PVALB: variants seen among roughly 807,000 people sequenced by gnomAD.
PVALB encodes parvalbumin alpha.
In PVALB, 11 loss-of-function variants were observed where a neutral mutation model predicts 10.9. The ratio of observed to expected loss-of-function variants is 1.01; its 90% CI spans 0.63 to 1.67. The LOEUF (loss-of-function observed/expected upper bound fraction) is 1.67, where lower values mean the gene tolerates loss of function less well. Ranked by LOEUF, PVALB falls within the 40% of genes most tolerant of loss-of-function variation. The probability of loss-of-function intolerance (pLI) is 0.00; values close to 1 mark genes in which losing one functional copy is unlikely to be tolerated. For missense variants in PVALB, 131 were observed against 136.2 expected, an observed-to-expected ratio of 0.96 and a Z score of 0.19; for synonymous variants, 57 against 50.7, an observed-to-expected ratio of 1.12 and a Z score of -0.53.
chr22:36,817,482 G>C (rs1452060267), upstream of PVALB: 1 of 153,364 alleles, frequency 6.5e-6, no homozygotes, highest in Non-Finnish European at 1.5e-5. Flanking sequence ...CCTAGGCCCT[G>C]CTCCCTTTCT....
At chr22:36,801,626 C>G (rs1463418610) in intron 3 of PVALB, among the ~76,000 whole-genome samples, 1 of 152,118 alleles carries the variant, frequency 6.6e-6, no homozygotes, top group Non-Finnish European at 1.5e-5. Flanking sequence ...ATGGTAAAAC[C>G]CTGTATCTAC....
intron 3 of PVALB, among the ~76,000 whole-genome samples, chr22:36,810,328 G>A (rs927570834): frequency 6.6e-6 from 1 of 152,196 alleles, no homozygotes; most frequent in African/African-American, 2.4e-5. Context: ...GCAAAGCAGA[G>A]TATCTGAAAC....
chr22:36,812,033 CA>C (rs112621960), intron 3 of PVALB, among the ~76,000 whole-genome samples: 177 of 151,938 alleles, frequency 1.2e-3, no homozygotes, highest in Non-Finnish European at 1.6e-3. Flanking sequence ...ACAACAACAA[CA>C]AAAAAAACCC....
At chr22:36,802,929 G>A (rs191070609) in intron 3 of PVALB, among the ~76,000 whole-genome samples, 62 of 152,284 alleles carry the variant, frequency 4.1e-4, no homozygotes, top group African/African-American at 1.4e-3. Context: ...TAGGGCAGGC[G>A]TCAAAGTGCT....
chr22:36,807,559 G>A (rs1054037198), intron 3 of PVALB, among the ~76,000 whole-genome samples: 2 of 152,112 alleles, frequency 1.3e-5, no homozygotes, highest in African/African-American at 4.8e-5. Flanking sequence ...AAAGGTTTTG[G>A]GTGGCTTACG....
chr22:36,814,686 G>A (rs1009388767), intron 2 of PVALB, among the ~76,000 whole-genome samples: 3 of 152,184 alleles, frequency 2.0e-5, no homozygotes, highest in African/African-American at 7.2e-5. Context: ...AGCCACACTA[G>A]TACCAGAGGG....
intron 2 of PVALB, 146 bp downstream of exon 2, chr22:36,814,957 C>G (rs533160973): frequency 5.0e-4 from 539 of 1,079,852 alleles, no homozygotes; most frequent in Middle Eastern, 9.2e-4. Flanking sequence ...TGCCCTGGGT[C>G]GGAGCCCTGC....
At chr22:36,802,165 A>G (rs1274550162) in intron 3 of PVALB, among the ~76,000 whole-genome samples, 1 of 152,152 alleles carries the variant, frequency 6.6e-6, no homozygotes, top group Non-Finnish European at 1.5e-5. Context: ...TAAAATATTA[A>G]CATCGGGGGA....
rs143682312 is a variant in PVALB at position 36,806,655 on chromosome 22, C to T, written c.305-5737G>A. Among the ~76,000 whole-genome samples, 62 of 152,296 alleles carry T rather than the reference C, an allele frequency of 4.1e-4. 1 individual carries two copies. The East Asian group carries it at 9.4e-3, about 23-fold the overall frequency. On this transcript the variant is annotated intron_variant, in intron 3 of 3. Coordinates refer to ENST00000417718, the MANE Select transcript of PVALB (RefSeq NM_001315532.2). ...TGGTATCTCAAACAGGGATCACCTT[C>T]CCATCCCGGAGAACTGGGAGGCAGA...
intron 2 of PVALB, among the ~76,000 whole-genome samples, chr22:36,814,315 G>A (rs1350692773): frequency 6.6e-6 from 1 of 151,278 alleles, no homozygotes; most frequent in Non-Finnish European, 1.5e-5. Flanking sequence ...GCATAAGTGT[G>A]CATGCATGTT....
chr22:36,803,584 T>C lies in PVALB; in HGVS notation c.305-2666A>G, dbSNP rs1938903976. ...GGGGGTAGATGGATGGATGGATGGATGAGGAATGGGTGGATGGAGGGATGA... is the reference window on the plus strand; with the variant it reads ...GGGGGTAGATGGATGGATGGATGGACGAGGAATGGGTGGATGGAGGGATGA... On this transcript the variant is annotated intron_variant, in intron 3 of 3. Transcript: ENST00000417718. Among the ~76,000 whole-genome samples the C allele has an allele frequency of 1.3e-5, 2 of 148,564 alleles. 1 individual carries two copies. Among genetic ancestry groups the C allele is most frequent in the South Asian group, 4.3e-4 (2 of 4,680 alleles).
At chr22:36,816,231 A>G (rs1457882851) in intron 1 of PVALB, 1 of 152,274 alleles carries the variant, frequency 6.6e-6, no homozygotes, top group Non-Finnish European at 1.5e-5. Flanking sequence ...TGTCCTCTCC[A>G]AGACAGTTCC....
chr22:36,815,058 CT>C lies in PVALB; in HGVS notation c.194+44del, dbSNP rs1344231496. 3 of 1,610,290 alleles carry C rather than the reference CT, an allele frequency of 1.9e-6. No individual in the cohort carries two copies. In the African/African-American group the frequency reaches 4.0e-5, roughly 22 times the overall value. On this transcript the variant is annotated intron_variant, in intron 2 of 3. Coordinates refer to ENST00000417718, the MANE Select transcript of PVALB (RefSeq NM_001315532.2). ...GCTAGAGTCCCAGCCCCCACTCCCT[CT>C]CGTGCAGCCGTGGGCTGGGCAGCCC...
At chr22:36,817,104 C>T (rs1193701299), upstream of PVALB, 7 of 1,149,794 alleles carry the variant, frequency 6.1e-6, no homozygotes, top group African/African-American at 1.6e-5. Context: ...TGCTGCGCGC[C>T]GGGCGCACGC....
At position 36,816,982 on chromosome 22, in the gene PVALB, G is replaced by T; in HGVS notation, c.24C>A (p.Asn8Lys). The T allele has an allele frequency of 6.2e-7, 1 of 1,609,786 alleles. No individual in the cohort carries two copies. The change falls in exon 1 of 4, where the codon AAC becomes AAA. Residue 8 changes from asparagine (N) to lysine (K), a missense_variant. By Grantham distance (94) the Asn-to-Lys change is moderately conservative (BLOSUM62 0). Transcript: ENST00000417718. MSMTDLL[N>K]AEDIKKAVGA... ...CCACCGCCTTCTTGATGTCCTCAGCGTTCAGCAAGTCTGTCATCGACATCC... is the reference window on the plus strand; with the variant it reads ...CCACCGCCTTCTTGATGTCCTCAGCTTTCAGCAAGTCTGTCATCGACATCC...
chr22:36,810,600 C>T (rs998846422), intron 3 of PVALB, among the ~76,000 whole-genome samples: 54 of 152,206 alleles, frequency 3.5e-4, no homozygotes, highest in African/African-American at 1.3e-3. Flanking sequence ...CTGGCCCTGA[C>T]ACTTGCTGGC....
At chr22:36,817,141 GC>G (rs1939155789), upstream of PVALB, 2 of 734,766 alleles carry the variant, frequency 2.7e-6, no homozygotes, top group Non-Finnish European at 4.1e-6. Flanking sequence ...GGCGCCAGGG[GC>G]CCGGACTCTG....
Position 36,815,230 on chromosome 22 carries a change from C to A in PVALB, c.67G>T (p.Asp23Tyr). Residue 23 changes from aspartate to tyrosine, a missense_variant, in exon 2 of 4, where the codon GAC becomes TAC. Transcript: ENST00000417718. ...AAGAACTTTTTGTGGTCGAAGGAGTCGGTAGCTGTGGGGGGAAGAGCAGGG... is the reference window on the plus strand; with the variant it reads ...AAGAACTTTTTGTGGTCGAAGGAGTAGGTAGCTGTGGGGGGAAGAGCAGGG... ...KKAVGAFSAT[D>Y]SFDHKKFFQM... The A allele has an allele frequency of 6.2e-7, 1 of 1,614,126 alleles. No individual in the cohort carries two copies. Among genetic ancestry groups the A allele is most frequent in the South Asian group, 1.1e-5 (1 of 91,068 alleles).
At chr22:36,814,280 TGTGTGTGTG>T in intron 2 of PVALB, among the ~76,000 whole-genome samples, 1 of 137,234 alleles carries the variant, frequency 7.3e-6, no homozygotes, top group Admixed American at 7.0e-5. Context: ...TGTGTGTGTG[TGTGTGTGTG>T]TGTGTGTGTG....
Sources: allele counts gnomAD v4.1 joint callset (sites outside exome capture counted in the v4.1 genomes callset), GRCh38; gene constraint gnomAD v4.1.1; transcripts MANE v1.5; gene names NCBI Gene and HGNC (gene_info 2026-07-23, HGNC 2026-07-21).